Variants in AKAP6 observed in about 807,000 individuals in gnomAD.
AKAP6 encodes the protein A-kinase anchor protein 6.
Under a neutral mutation model 188.5 loss-of-function variants are expected in AKAP6, and 58 were observed. The ratio of observed to expected loss-of-function variants is 0.31; its 90% CI spans 0.25 to 0.38. AKAP6 has a LOEUF of 0.38. AKAP6 is among the 10% of genes least tolerant of loss of function. The probability of loss-of-function intolerance (pLI) is 1.00; values close to 1 mark genes in which losing one functional copy is unlikely to be tolerated. For synonymous variants in AKAP6, 989 were observed against 998.6 expected (o/e 0.99, Z 0.18); for missense variants, 2,710 against 2,740.0 (o/e 0.99, Z 0.24).
At chr14:32,550,414 G>C (rs2139171447) in intron 4 of AKAP6, among the ~76,000 whole-genome samples, 1 of 152,352 alleles carries the variant, frequency 6.6e-6, no homozygotes. Context: ...AGAAGATCAA[G>C]TTCCTTCCTC....
chr14:32,614,383 C>T (rs1047100205), intron 7 of AKAP6, among the ~76,000 whole-genome samples: 1 of 152,182 alleles, frequency 6.6e-6, no homozygotes, highest in African/African-American at 2.4e-5. Context: ...GGAAAGCCTG[C>T]ATTTTAAGCA....
rs1566547015 is a variant in AKAP6, at chr14:32,510,479, T to TATATATGTGTATATATATATACAC, written c.325-25069_325-25068insGTGTATATATATATACACATATAT. 2.9e-3 allele frequency among the ~76,000 whole-genome samples: 286 copies of TATATATGTGTATATATATATACAC among 97,860 alleles called. 2 individuals carry two copies. The highest frequency in any genetic ancestry group is 0.011 in the African/African-American group (265 of 23,518). The allele number at this position is 97,860 out of a possible 152,430, so 64.2% of individuals were successfully genotyped here. ...ATATATGTGTATATATATATATACA[T>TATATATGTGTATATATATATACAC]ATATATATGTGTATATATATATATA... On this transcript the variant is annotated intron_variant, in intron 2 of 13. Transcript: ENST00000280979.
At chr14:32,809,323 C>T (rs1284905165) in intron 12 of AKAP6, among the ~76,000 whole-genome samples, 1 of 152,240 alleles carries the variant, frequency 6.6e-6, no homozygotes, top group Non-Finnish European at 1.5e-5. Context: ...TAAAAAATTT[C>T]ATTAATGATG....
intron 12 of AKAP6, among the ~76,000 whole-genome samples, chr14:32,806,092 A>G (rs908566030): frequency 2.6e-5 from 4 of 152,194 alleles, no homozygotes; most frequent in Non-Finnish European, 5.9e-5. Context: ...GATTGAAAGG[A>G]ACTGAACCTG....
At chr14:32,703,045 A>C (rs1890679898) in intron 9 of AKAP6, among the ~76,000 whole-genome samples, 1 of 152,202 alleles carries the variant, frequency 6.6e-6, no homozygotes, top group Non-Finnish European at 1.5e-5. Context: ...CTAATGCTAC[A>C]ACCTATGGAA....
At position 32,695,898 on chromosome 14, in the gene AKAP6, C is replaced by T. The variant is rs1031833404; in HGVS notation, c.2880-92C>T. The T allele has an allele frequency of 2.8e-6, 4 of 1,408,284 alleles. No individual in the cohort carries two copies. In the African/African-American group the frequency reaches 4.5e-5, roughly 16 times the overall value. The allele number at this position is 1,408,284 out of a possible 1,614,324, so 87.2% of individuals were successfully genotyped here. ...CTCTTATTGTAGATAACACTAGAAA[C>T]ATCATGGGTTTTCAAGAATATATTA... is the stretch of plus-strand genomic sequence containing the variant. On this transcript the variant is annotated intron_variant, in intron 8 of 13. Coordinates refer to ENST00000280979, the MANE Select transcript of AKAP6 (RefSeq NM_004274.5).
intron 7 of AKAP6, among the ~76,000 whole-genome samples, chr14:32,656,034 C>T (rs1383982814): frequency 6.6e-6 from 1 of 151,956 alleles, no homozygotes; most frequent in Non-Finnish European, 1.5e-5. Flanking sequence ...AGTTGGTTGA[C>T]ATGAAACATA....
intron 7 of AKAP6, among the ~76,000 whole-genome samples, chr14:32,650,622 A>G (rs141513369): frequency 6.6e-6 from 1 of 152,300 alleles, no homozygotes; most frequent in Non-Finnish European, 1.5e-5. Flanking sequence ...AAATAAAAAA[A>G]TAAAAATAAA....
chr14:32,777,425 T>G (rs1337571262), intron 12 of AKAP6, among the ~76,000 whole-genome samples: 1 of 152,144 alleles, frequency 6.6e-6, no homozygotes, highest in Non-Finnish European at 1.5e-5. Context: ...TAAAAGTTAT[T>G]ATACCCGCAT....
intron 7 of AKAP6, among the ~76,000 whole-genome samples, chr14:32,604,991 C>G (rs1012139797): frequency 6.6e-6 from 1 of 152,128 alleles, no homozygotes; most frequent in Non-Finnish European, 1.5e-5. Flanking sequence ...CCCTCACTGA[C>G]AGGCCCCAGT....
At chr14:32,540,131 G>GCT (rs1216788649) in intron 3 of AKAP6, among the ~76,000 whole-genome samples, 3,704 of 66,218 alleles carry the variant, frequency 0.056, 118 homozygotes, top group Non-Finnish European at 0.063. Flanking sequence ...TTGCTCGTGC[G>GCT]CTCTCTCTCT....
chr14:32,820,406 G>T (rs545206920), intron 12 of AKAP6, among the ~76,000 whole-genome samples: 1 of 152,200 alleles, frequency 6.6e-6, no homozygotes, highest in African/African-American at 2.4e-5. Flanking sequence ...CCCAAAATAT[G>T]TCAAGCTCTA....
intron 7 of AKAP6, among the ~76,000 whole-genome samples, chr14:32,623,461 C>A (rs986519455): frequency 6.6e-6 from 1 of 152,134 alleles, no homozygotes; most frequent in African/African-American, 2.4e-5. Context: ...CATCCCCCTA[C>A]TTCTTACCCA....
chr14:32,557,091 T>G (rs1467618194), intron 4 of AKAP6, among the ~76,000 whole-genome samples: 1 of 151,964 alleles, frequency 6.6e-6, no homozygotes, highest in African/African-American at 2.4e-5. Context: ...TGTTGGTTTG[T>G]TTTTGTTTTT....
chr14:32,423,605 C>T (rs556433917), intron 1 of AKAP6, among the ~76,000 whole-genome samples: 2 of 152,216 alleles, frequency 1.3e-5, no homozygotes, highest in South Asian at 4.1e-4. Flanking sequence ...CAGAATCTTT[C>T]AAGATGACCC....
chr14:32,813,395 C>CA lies in AKAP6; in HGVS notation c.3589-8007_3589-8006insA, dbSNP rs375061629. Among the ~76,000 whole-genome samples, 12 of 119,650 alleles carry CA rather than the reference C, an allele frequency of 1.0e-4. 1 individual carries two copies. In the South Asian group the frequency reaches 3.6e-3, roughly 36 times the overall value. The allele number at this position is 119,650 out of a possible 152,430, so 78.5% of individuals were successfully genotyped here. A position where few individuals can be genotyped will look rare whatever the true frequency, so the allele number is the denominator to read the frequency against. ...AGTTTTCATCTCTAACCCTACCCCC[C>CA]CCCCCAACCCCTTTCCCAGAGGTCC... On this transcript the variant is annotated intron_variant, in intron 12 of 13. Coordinates refer to ENST00000280979, the MANE Select transcript of AKAP6 (RefSeq NM_004274.5).
chr14:32,475,656 C>T (rs1879024632), intron 2 of AKAP6, among the ~76,000 whole-genome samples: 1 of 150,596 alleles, frequency 6.6e-6, no homozygotes, highest in Non-Finnish European at 1.5e-5. Flanking sequence ...GCAGAGTCTG[C>T]AGACAGAAAT....
intron 4 of AKAP6, among the ~76,000 whole-genome samples, chr14:32,556,351 T>C (rs1405246891): frequency 6.6e-6 from 1 of 152,200 alleles, no homozygotes; most frequent in Non-Finnish European, 1.5e-5. Flanking sequence ...CTTTTTTTGT[T>C]TTTTTAATTG....
chr14:32,800,039 G>GTCTCTCTCTC (rs762313539), intron 12 of AKAP6, among the ~76,000 whole-genome samples: 1 of 112,728 alleles, frequency 8.9e-6, no homozygotes, highest in African/African-American at 3.5e-5. Context: ...GCAAAACCCT[G>GTCTCTCTCTC]TCTCTCTCTC....
Sources: gnomAD v4.1 joint callset for allele counts (sites outside exome capture counted in the v4.1 genomes callset) on GRCh38, gnomAD v4.1.1 for gene constraint, MANE v1.5 for transcripts, NCBI Gene and HGNC (gene_info 2026-07-23, HGNC 2026-07-21) for gene names.